The following LIFR variants were observed in gnomAD, a reference collection of about 807,000 sequenced individuals.
The protein encoded by LIFR is leukemia inhibitory factor receptor.
In LIFR, 84 loss-of-function variants were observed where a neutral mutation model predicts 122.2. That is an observed-to-expected ratio of 0.69 (90% CI 0.58 to 0.82). The LOEUF (loss-of-function observed/expected upper bound fraction) is 0.82. Among genes scored for constraint, LIFR ranks in the 40% least tolerant of loss-of-function variants. The pLI is 0.00. For missense variants in LIFR, 1,294 were observed against 1,311.6 expected (o/e 0.99, Z 0.21); for synonymous variants, 422 against 434.7 (o/e 0.97, Z 0.36).
chr5:38,549,980 C>T (rs1484017446), intron 1 of LIFR, among the ~76,000 whole-genome samples: 2 of 152,044 alleles, frequency 1.3e-5, no homozygotes, highest in African/African-American at 4.8e-5. Context: ...AGAAAGGTAT[C>T]GACAGGAGTA....
At chr5:38,552,917 C>T (rs1258303878) in intron 1 of LIFR, among the ~76,000 whole-genome samples, 13 of 152,198 alleles carry the variant, frequency 8.5e-5, no homozygotes, top group Admixed American at 8.5e-4. Flanking sequence ...AAGGTGGTTC[C>T]TGGTGCTGCA....
chr5:38,511,346 T>A (rs1416995498), intron 6 of LIFR, among the ~76,000 whole-genome samples: 1 of 152,158 alleles, frequency 6.6e-6, no homozygotes, highest in African/African-American at 2.4e-5. Flanking sequence ...GCCAACATTC[T>A]CCCTGTATAT....
At chr5:38,537,546 G>T (rs925667881) in intron 1 of LIFR, among the ~76,000 whole-genome samples, 11 of 152,172 alleles carry the variant, frequency 7.2e-5, no homozygotes, top group Non-Finnish European at 1.5e-4. Flanking sequence ...TAAACAACCT[G>T]AAGAACATTC....
At chr5:38,551,656 T>C (rs1008563620) in intron 1 of LIFR, among the ~76,000 whole-genome samples, 1 of 152,200 alleles carries the variant, frequency 6.6e-6, no homozygotes, top group African/African-American at 2.4e-5. Context: ...CTTAGTAATA[T>C]AGCATATAAA....
At chr5:38,495,431 C>T (rs558510984) in intron 13 of LIFR, among the ~76,000 whole-genome samples, 1 of 152,298 alleles carries the variant, frequency 6.6e-6, no homozygotes, top group African/African-American at 2.4e-5. Context: ...TGCCACAACC[C>T]CTGTGCATCT....
chr5:38,562,383 C>T (rs1230240314), intron 1 of LIFR, among the ~76,000 whole-genome samples: 2 of 152,130 alleles, frequency 1.3e-5, no homozygotes, highest in Admixed American at 6.5e-5. Flanking sequence ...CTTTCTGTCC[C>T]CTTATTCTTA....
At chr5:38,558,912 T>C (rs1266768982), upstream of LIFR, 1 of 152,110 alleles carries the variant, frequency 6.6e-6, no homozygotes, top group East Asian at 1.9e-4. Flanking sequence ...CCTGACCCTA[T>C]CCCACAGCAT....
chr5:38,530,860 A>C (rs746473992), intron 1 of LIFR, 194 bp from the exon 2 acceptor site: 3 of 547,318 alleles, frequency 5.5e-6, no homozygotes, highest in Non-Finnish European at 6.5e-6. Flanking sequence ...TGCTTTAGGT[A>C]TCTACTACGA....
intron 1 of LIFR, among the ~76,000 whole-genome samples, chr5:38,551,212 G>A (rs748738535): frequency 1.3e-5 from 2 of 152,172 alleles, no homozygotes; most frequent in African/African-American, 2.4e-5. Context: ...ACTAAGGCAT[G>A]AAGCATGGCA....
chr5:38,504,415 C>CAAAAAAAAAAAAAA (rs71604899), intron 9 of LIFR, among the ~76,000 whole-genome samples: 4 of 120,442 alleles, frequency 3.3e-5, no homozygotes, highest in Admixed American at 8.9e-5. Flanking sequence ...AGGGAATGAC[C>CAAAAAAAAAAAAAA]AAAAAAAAAA....
Position 38,481,605 on chromosome 5 carries a change from GGTTT to G in LIFR, c.3280_3283del (p.Lys1094GlnfsTer21), listed in dbSNP as rs768637423. ...GACACGGTGACACTGTTAATCGTTTGGTTTGTTCTGAAAAAAGTTTGTAAAGGAC... is the reference window on the plus strand; with the variant it reads ...GACACGGTGACACTGTTAATCGTTTGGTTCTGAAAAAAGTTTGTAAAGGAC... On this transcript the variant is annotated frameshift_variant, in exon 20 of 20. Coordinates refer to ENST00000453190, the MANE Select transcript of LIFR (RefSeq NM_001127671.2). LOFTEE classifies it high-confidence loss of function. The G allele has an allele frequency of 6.2e-7, 1 of 1,614,012 alleles. No individual in the cohort carries two copies.
At chr5:38,494,386 G>C (rs1744762814) in intron 13 of LIFR, among the ~76,000 whole-genome samples, 1 of 152,160 alleles carries the variant, frequency 6.6e-6, no homozygotes, top group South Asian at 2.1e-4. Flanking sequence ...GAGGCGATGA[G>C]GTGGGATGGC....
At chr5:38,511,761 A>C in intron 6 of LIFR, 29 bp downstream of exon 6, 1 of 1,606,364 alleles carries the variant, frequency 6.2e-7, no homozygotes, top group Non-Finnish European at 8.5e-7. Context: ...AATTCATCTG[A>C]AACAAACATT....
chr5:38,532,257 TGAGA>T (rs1484473942), intron 1 of LIFR, among the ~76,000 whole-genome samples: 1 of 152,200 alleles, frequency 6.6e-6, no homozygotes, highest in East Asian at 1.9e-4. Context: ...GGGAGGCAGC[TGAGA>T]AAGAGCTCTG....
At chr5:38,493,879 A>G in intron 13 of LIFR, 94 bp from the exon 14 acceptor site, 1 of 981,026 alleles carries the variant, frequency 1.0e-6, no homozygotes, top group Non-Finnish European at 1.6e-6. Flanking sequence ...AAATCACTTC[A>G]TTGTGAAGAA....
At chr5:38,497,275 T>G (rs776636938) in intron 12 of LIFR, among the ~76,000 whole-genome samples, 3 of 152,200 alleles carry the variant, frequency 2.0e-5, no homozygotes, top group African/African-American at 4.8e-5. Flanking sequence ...AGAGCGAGAC[T>G]CTGTCTCAAC....
chr5:38,487,519 T>C (rs1744352091), intron 16 of LIFR, among the ~76,000 whole-genome samples: 1 of 152,192 alleles, frequency 6.6e-6, no homozygotes, highest in Non-Finnish European at 1.5e-5. Flanking sequence ...GGCATAGATC[T>C]TTTTTCTATT....
Position 38,477,094 on chromosome 5 carries a change from G to T in LIFR, c.*4501C>A. On this transcript the variant is annotated 3_prime_UTR_variant, in exon 20 of 20. Coordinates refer to ENST00000453190, the MANE Select transcript of LIFR (RefSeq NM_001127671.2). ...ATGTTATTCTTAATCCTTTACACTGGCACTAAAAATAGTTCATCTGTAATA... is the reference window on the plus strand; with the variant it reads ...ATGTTATTCTTAATCCTTTACACTGTCACTAAAAATAGTTCATCTGTAATA... 4.5e-6 allele frequency: 1 copy of T among 223,404 alleles called. No homozygotes were observed. 13.8% of individuals were successfully genotyped at this position (223,404 alleles called of 1,614,324 possible).
rs550842280 is a variant in LIFR, at chr5:38,475,728, T to C, written c.*5867A>G. On this transcript the variant is annotated 3_prime_UTR_variant, in exon 20 of 20. Transcript: ENST00000453190. ...ATGCAATTTTGAAAGTAAAAAAAGG[T>C]AATTTCCTAGTGTTATAAGGACCTT... The C allele has an allele frequency of 5.3e-6, 1 of 188,644 alleles. No individual in the cohort carries two copies. Among genetic ancestry groups the C allele is most frequent in the Admixed American group, 6.2e-5 (1 of 16,220 alleles). The allele number at this position is 188,644 out of a possible 1,614,324, so 11.7% of individuals were successfully genotyped here. A position where few individuals can be genotyped will look rare whatever the true frequency, so the allele number is the denominator to read the frequency against.
Sources: gnomAD v4.1 joint callset for allele counts (sites outside exome capture counted in the v4.1 genomes callset) on GRCh38, gnomAD v4.1.1 for gene constraint, MANE v1.5 for transcripts, NCBI Gene and HGNC (gene_info 2026-07-23, HGNC 2026-07-21) for gene names.